Variants in CCBE1 observed in about 807,000 individuals in gnomAD.
CCBE1 encodes collagen and calcium-binding EGF domain-containing protein 1.
In CCBE1, 37 loss-of-function variants were observed where a neutral mutation model predicts 50.0. The observed-to-expected ratio is 0.74, with a 90% CI of 0.57 to 0.97. The LOEUF (loss-of-function observed/expected upper bound fraction) is 0.97, where lower values mean the gene tolerates loss of function less well. CCBE1 is among the 50% of genes least tolerant of loss of function. The pLI is 0.00. For synonymous variants in CCBE1, 234 were observed against 203.7 expected (o/e 1.15, Z -1.27); for missense variants, 538 against 523.8 (o/e 1.03, Z -0.26).
At chr18:59,592,104 G>C (rs182628653) in intron 2 of CCBE1, among the ~76,000 whole-genome samples, 2 of 152,264 alleles carry the variant, frequency 1.3e-5, no homozygotes, top group East Asian at 3.9e-4. Flanking sequence ...TGCACCTGTA[G>C]TTCCAGCTAC....
At position 59,655,183 on chromosome 18, in the gene CCBE1, C is replaced by G. The variant is rs73456379; in HGVS notation, c.212+41446G>C. Among the ~76,000 whole-genome samples the G allele has an allele frequency of 1.2e-3, 175 of 151,654 alleles. 1 individual carries two copies. The highest frequency in any genetic ancestry group is 4.1e-3 in the African/African-American group (171 of 41,368). ...AGAGTAAGCATCCTCATCTGAAGAA[C>G]AAGAGGGCTTGACTATGAGGGCCTC... On this transcript the variant is annotated intron_variant, in intron 2 of 10. Coordinates refer to ENST00000439986, the MANE Select transcript of CCBE1 (RefSeq NM_133459.4).
intron 2 of CCBE1, among the ~76,000 whole-genome samples, chr18:59,533,045 T>G (rs1308302708): frequency 1.3e-5 from 2 of 152,228 alleles, no homozygotes; most frequent in African/African-American, 4.8e-5. Context: ...GATTATTTCC[T>G]TTTCATAATA....
At chr18:59,526,577 G>C (rs1202576541) in intron 2 of CCBE1, among the ~76,000 whole-genome samples, 2 of 152,126 alleles carry the variant, frequency 1.3e-5, no homozygotes, top group African/African-American at 4.8e-5. Flanking sequence ...CCAAAGTGCT[G>C]GGATTACAGG....
intron 2 of CCBE1, among the ~76,000 whole-genome samples, chr18:59,576,339 G>T (rs760243529): frequency 1.3e-5 from 2 of 152,206 alleles, no homozygotes; most frequent in African/African-American, 2.4e-5. Context: ...CTTCATAAGA[G>T]AATATCAGTG....
chr18:59,675,779 A>G (rs2054492670), intron 2 of CCBE1, among the ~76,000 whole-genome samples: 4 of 152,224 alleles, frequency 2.6e-5, no homozygotes, highest in Admixed American at 2.6e-4. Context: ...CTTTTACACT[A>G]GAGGGTGCTG....
intron 2 of CCBE1, among the ~76,000 whole-genome samples, chr18:59,518,639 G>A (rs1196415310): frequency 6.6e-6 from 1 of 152,172 alleles, no homozygotes; most frequent in Non-Finnish European, 1.5e-5. Flanking sequence ...GAGTACATGC[G>A]ACACGTGGAT....
At chr18:59,526,971 G>A (rs997451525) in intron 2 of CCBE1, among the ~76,000 whole-genome samples, 23 of 152,314 alleles carry the variant, frequency 1.5e-4, no homozygotes, top group Admixed American at 2.6e-4. Flanking sequence ...GTGCTAAGAA[G>A]AATGCATATT....
intron 3 of CCBE1, among the ~76,000 whole-genome samples, chr18:59,473,860 GA>G (rs2143749907): frequency 1.3e-4 from 1 of 7,526 alleles, no homozygotes; most frequent in Middle Eastern, 0.071. Context: ...TTCCTCCCCC[GA>G]CTACTCACCT....
At chr18:59,439,487 C>CA (rs565225930) in intron 9 of CCBE1, 56 bp downstream of exon 9, 37 of 1,608,210 alleles carry the variant, frequency 2.3e-5, no homozygotes, top group Non-Finnish European at 3.0e-5. Context: ...CAAAACAAAA[C>CA]AAAAAAATCG....
At chr18:59,472,660 T>G (rs1568158707) in intron 3 of CCBE1, among the ~76,000 whole-genome samples, 1 of 152,226 alleles carries the variant, frequency 6.6e-6, no homozygotes, top group Non-Finnish European at 1.5e-5. Context: ...CCTCCATGAA[T>G]GTGCATTCAC....
rs369214213 is a variant in CCBE1, at chr18:59,531,423, A to G, written c.213-51185T>C. Among the ~76,000 whole-genome samples the G allele has an allele frequency of 1.6e-4, 24 of 152,270 alleles. No individual in the cohort carries two copies. In the East Asian group the frequency reaches 4.1e-3, roughly 26 times the overall value. ...TCTTATTAGAAAGAATAACAGAAACAAATGTGAGAGAGGAGCCAAAAAAAA... is the reference window on the plus strand; with the variant it reads ...TCTTATTAGAAAGAATAACAGAAACGAATGTGAGAGAGGAGCCAAAAAAAA... On this transcript the variant is annotated intron_variant, in intron 2 of 10. Coordinates refer to ENST00000439986, the MANE Select transcript of CCBE1 (RefSeq NM_133459.4).
At chr18:59,672,399 C>A (rs1195671570) in intron 2 of CCBE1, among the ~76,000 whole-genome samples, 2 of 152,176 alleles carry the variant, frequency 1.3e-5, no homozygotes, top group Non-Finnish European at 2.9e-5. Context: ...TGTGCTAGTT[C>A]CAGTTTTCAG....
At chr18:59,590,934 G>A (rs895655623) in intron 2 of CCBE1, among the ~76,000 whole-genome samples, 17 of 152,102 alleles carry the variant, frequency 1.1e-4, no homozygotes, top group Admixed American at 2.6e-4. Flanking sequence ...GGACTCCTCT[G>A]TAACCTGGGC....
In CCBE1 at chr18:59,671,830, G is replaced by A. The variant is rs949930055; in HGVS notation, c.212+24799C>T. On this transcript the variant is annotated intron_variant, in intron 2 of 10. Transcript: ENST00000439986. ...GGAAGGTTAAAAAAAAAGGGGGGGG[G>A]TAGTCAGTATTTACTCCTAGAGAGC... is the stretch of plus-strand genomic sequence containing the variant. 2.0e-5 allele frequency among the ~76,000 whole-genome samples: 3 copies of A among 147,352 alleles called. No homozygotes were observed. The East Asian group carries it at 5.9e-4, about 29-fold the overall frequency.
chr18:59,610,847 C>CTGA lies in CCBE1; in HGVS notation c.212+85781_212+85782insTCA, dbSNP rs1433020894. ...GGTTTCAGGATGCAGCTCCCATCTG[C>CTGA]TCCACCAGCGCCCCTGGGGATTCAC... On this transcript the variant is annotated intron_variant, in intron 2 of 10. Transcript: ENST00000439986. Among the ~76,000 whole-genome samples, 39 of 152,376 alleles carry CTGA rather than the reference C, an allele frequency of 2.6e-4. No individual in the cohort carries two copies. In the East Asian group the frequency reaches 7.3e-3, roughly 29 times the overall value.
At chr18:59,529,707 C>T (rs1429111556) in intron 2 of CCBE1, among the ~76,000 whole-genome samples, 1 of 152,062 alleles carries the variant, frequency 6.6e-6, no homozygotes, top group Non-Finnish European at 1.5e-5. Context: ...GTGAGAGAAC[C>T]TGGTACCTCA....
intron 2 of CCBE1, among the ~76,000 whole-genome samples, chr18:59,573,285 A>ATATG: frequency 7.3e-5 from 1 of 13,768 alleles, no homozygotes; most frequent in South Asian, 8.9e-3. Flanking sequence ...ACTCCGTCTA[A>ATATG]TATATATATA....
intron 6 of CCBE1, among the ~76,000 whole-genome samples, chr18:59,450,002 G>C (rs1303128336): frequency 6.6e-6 from 1 of 152,212 alleles, no homozygotes; most frequent in Non-Finnish European, 1.5e-5. Context: ...TGGCACTTTA[G>C]AGGCGGCTGT....
chr18:59,565,874 T>G (rs1451526390), intron 2 of CCBE1, among the ~76,000 whole-genome samples: 1 of 152,108 alleles, frequency 6.6e-6, no homozygotes, highest in Non-Finnish European at 1.5e-5. Flanking sequence ...AAACTCAACC[T>G]AATGCATAAA....
Sources: gnomAD v4.1 joint callset for allele counts (sites outside exome capture counted in the v4.1 genomes callset) on GRCh38, gnomAD v4.1.1 for gene constraint, MANE v1.5 for transcripts, NCBI Gene and HGNC (gene_info 2026-07-23, HGNC 2026-07-21) for gene names.